ABL1: variants seen among roughly 807,000 people sequenced by gnomAD.
ABL1 encodes tyrosine-protein kinase ABL1.
A neutral mutation model predicts 94.7 loss-of-function variants in ABL1; 11 were observed. The ratio of observed to expected loss-of-function variants is 0.12; its 90% CI spans 0.07 to 0.19. The LOEUF (loss-of-function observed/expected upper bound fraction) is 0.19, where lower values mean the gene tolerates loss of function less well. Among genes scored for constraint, ABL1 ranks in the 10% least tolerant of loss-of-function variants. The pLI is 1.00. For synonymous variants in ABL1, 656 were observed against 622.4 expected, an observed-to-expected ratio of 1.05 and a Z score of -0.80; for missense variants, 1,082 against 1,489.4, an observed-to-expected ratio of 0.73 and a Z score of 4.50.
intron 1 of ABL1, among the ~76,000 whole-genome samples, chr9:130,768,158 A>G (rs1330303865): frequency 2.0e-5 from 3 of 151,962 alleles, no homozygotes; most frequent in African/African-American, 2.4e-5. Flanking sequence ...ATACACTCCT[A>G]TGTGTACAAC....
chr9:130,882,136 T>G (rs1293931496), intron 10 of ABL1, among the ~76,000 whole-genome samples: 1 of 152,162 alleles, frequency 6.6e-6, no homozygotes, highest in African/African-American at 2.4e-5. Flanking sequence ...TGATTTCAGG[T>G]GGCTGAGCAG....
rs528342434 is a variant in ABL1, at chr9:130,727,019, A to G, written c.136+12564A>G. Among the ~76,000 whole-genome samples the G allele has an allele frequency of 1.5e-3, 226 of 152,362 alleles. 1 individual carries two copies. The highest frequency in any genetic ancestry group is 3.4e-3 in the Middle Eastern group (1 of 294). On this transcript the variant is annotated intron_variant, in intron 1 of 10. Coordinates refer to the ABL1 transcript ENST00000372348. Reference sequence around the variant, plus strand: ...TTTAATTTCATTGTGGTCAGAGAACATCTTCTGTAGAATTTCAGTCTTCTG... The same window carrying G: ...TTTAATTTCATTGTGGTCAGAGAACGTCTTCTGTAGAATTTCAGTCTTCTG...
intron 1 of ABL1, among the ~76,000 whole-genome samples, chr9:130,716,221 A>T (rs535510898): frequency 6.6e-6 from 1 of 151,604 alleles, no homozygotes; most frequent in South Asian, 2.1e-4. Context: ...CAGCCTCCCA[A>T]GTAGGTGGGA....
At chr9:130,833,703 G>C (rs1830521527), upstream of ABL1, among the ~76,000 whole-genome samples, 1 of 152,230 alleles carries the variant, frequency 6.6e-6, no homozygotes, top group Non-Finnish European at 1.5e-5. Flanking sequence ...GACACATGTG[G>C]AAAGTTAATG....
intron 1 of ABL1, among the ~76,000 whole-genome samples, chr9:130,827,484 C>T (rs1830440632): frequency 6.6e-6 from 1 of 152,172 alleles, no homozygotes; most frequent in Non-Finnish European, 1.5e-5. Flanking sequence ...CCAAATCTCT[C>T]TAGGCATTAG....
At position 130,882,239 on chromosome 9, in the gene ABL1, G is replaced by T. The variant is rs142220892; in HGVS notation, c.1678+1575G>T. On this transcript the variant is annotated intron_variant, in intron 10 of 10. Coordinates refer to ENST00000318560, the MANE Select transcript of ABL1 (RefSeq NM_005157.6). ...TACGCCCGTCAGTTTCATCTGAGGG[G>T]TATTTTGATAGTGATCTCTTGGTGA... Among the ~76,000 whole-genome samples, 5 of 152,246 alleles carry T rather than the reference G, an allele frequency of 3.3e-5. No individual in the cohort carries two copies. The South Asian group carries it at 6.2e-4, about 19-fold the overall frequency.
chr9:130,868,218 A>C (rs998854265), intron 4 of ABL1, among the ~76,000 whole-genome samples: 9 of 152,104 alleles, frequency 5.9e-5, no homozygotes, highest in Non-Finnish European at 1.2e-4. Flanking sequence ...TCGGCCTCCC[A>C]AAGTGCTGGG....
intron 1 of ABL1, among the ~76,000 whole-genome samples, chr9:130,807,942 C>T (rs1301632925): frequency 2.0e-5 from 3 of 151,078 alleles, no homozygotes; most frequent in Non-Finnish European, 4.4e-5. Context: ...AGGTGATCCC[C>T]CCCACCTCAG....
In ABL1 at chr9:130,886,294, G is replaced by A. The variant is rs977012051; in HGVS notation, c.*611G>A. Reference sequence around the variant, plus strand: ...TGCACTCGCCATTTCCTCACGTGCAGGACAGCTCTTGATTTGGGTGGAAAA... The same window carrying A: ...TGCACTCGCCATTTCCTCACGTGCAAGACAGCTCTTGATTTGGGTGGAAAA... On this transcript the variant is annotated 3_prime_UTR_variant, in exon 11 of 11. Coordinates refer to ENST00000318560, the MANE Select transcript of ABL1 (RefSeq NM_005157.6). 3 of 234,876 alleles carry A rather than the reference G, an allele frequency of 1.3e-5. No individual in the cohort carries two copies. The highest frequency in any genetic ancestry group is 4.4e-5 in the African/African-American group (2 of 45,366). The allele number at this position is 234,876 out of a possible 1,614,324, so 14.5% of individuals were successfully genotyped here.
At chr9:130,784,032 G>GT (rs1285512527) in intron 1 of ABL1, among the ~76,000 whole-genome samples, 3 of 152,120 alleles carry the variant, frequency 2.0e-5, no homozygotes, top group African/African-American at 7.2e-5. Context: ...TTGATAAACA[G>GT]TAAGTCCCAT....
At chr9:130,756,361 A>G (rs1157992317) in intron 1 of ABL1, among the ~76,000 whole-genome samples, 1 of 149,948 alleles carries the variant, frequency 6.7e-6, no homozygotes, top group African/African-American at 2.5e-5. Context: ...AAAGGTTGCC[A>G]TTTCATTTGT....
intron 1 of ABL1, among the ~76,000 whole-genome samples, chr9:130,751,634 G>T (rs201285553): frequency 0.018 from 2,178 of 123,474 alleles, 57 homozygotes; most frequent in African/African-American, 0.061. Flanking sequence ...TGTAGAATCT[G>T]CCACAATCAA....
Position 130,835,354 on chromosome 9 carries a change from C to T in ABL1, c.-93C>T. ...AGGGCGGCTGGCGGGGCCGGGGGCG[C>T]CGGGGGGGCGCGCGGGCCGAGCCGG... On this transcript the variant is annotated 5_prime_UTR_variant, in exon 1 of 11. Transcript: ENST00000318560. The surrounding 1 kb of genome is among the most constrained non-coding windows in gnomAD (Gnocchi z 4.6). 1.8e-6 allele frequency: 1 copy of T among 544,626 alleles called. No homozygotes were observed. The highest frequency in any genetic ancestry group is 2.0e-6 in the Non-Finnish European group (1 of 492,286). 33.7% of individuals were successfully genotyped at this position (544,626 alleles called of 1,614,324 possible).
intron 3 of ABL1, among the ~76,000 whole-genome samples, chr9:130,859,433 G>A (rs781690759): frequency 2.6e-5 from 4 of 151,994 alleles, no homozygotes; most frequent in Non-Finnish European, 4.4e-5. Context: ...GTGAAAAGCC[G>A]AGCACATGGC....
intron 1 of ABL1, among the ~76,000 whole-genome samples, chr9:130,798,593 G>T (rs1313832838): frequency 2.0e-5 from 3 of 152,092 alleles, no homozygotes; most frequent in African/African-American, 7.2e-5. Flanking sequence ...CTGTACCTTA[G>T]TATGTCCTGC....
chr9:130,754,021 A>G (rs1489276031), intron 1 of ABL1, among the ~76,000 whole-genome samples: 2 of 149,958 alleles, frequency 1.3e-5, no homozygotes, highest in African/African-American at 2.5e-5. Context: ...TCTGGCCAAC[A>G]TGGTGAAACC....
Position 130,777,515 on chromosome 9 carries a change from A to G in ABL1, c.136+63060A>G, listed in dbSNP as rs1414484115. Among the ~76,000 whole-genome samples the G allele has an allele frequency of 2.0e-5, 3 of 146,564 alleles. No homozygotes were observed. The East Asian group carries it at 6.1e-4, about 30-fold the overall frequency. On this transcript the variant is annotated intron_variant, in intron 1 of 10. Transcript: ENST00000372348. ...AGACTATGAGCAGGGGAATCGAGGA[A>G]CCTCTCAGGGCTTTGTGTTGGGACG... is the stretch of plus-strand genomic sequence containing the variant.
Position 130,884,391 on chromosome 9 carries a change from G to T in ABL1, c.2101G>T (p.Gly701Cys), listed in dbSNP as rs775106685. 8 of 1,611,892 alleles carry T rather than the reference G, an allele frequency of 5.0e-6. No homozygotes were observed. The highest frequency in any genetic ancestry group is 6.8e-6 in the Non-Finnish European group (8 of 1,179,864). The change falls in exon 11 of 11, where the codon GGC becomes TGC. Residue 701 changes from glycine to cysteine, a missense_variant. Transcript: ENST00000318560. The surrounding 1 kb of genome is among the most constrained non-coding windows in gnomAD (Gnocchi z 5.6). The stretch of plus-strand genomic sequence containing the variant: ...GCTGACCAGCAGCCGCCTAGCCACC[G>T]GCGAGGAGGAGGGCGGTGGCAGCTC... ...STLTSSRLAT[G>C]EEEGGGSSSK...
At chr9:130,768,072 T>C (rs987907390) in intron 1 of ABL1, among the ~76,000 whole-genome samples, 16 of 152,202 alleles carry the variant, frequency 1.1e-4, no homozygotes, top group Non-Finnish European at 2.4e-4. Context: ...ATGGTAGCTA[T>C]CTGCTGGAGC....
Sources: allele counts gnomAD v4.1 joint callset (sites outside exome capture counted in the v4.1 genomes callset), GRCh38; gene constraint gnomAD v4.1.1; non-coding constraint Gnocchi (gnomAD v3.1); transcripts MANE v1.5; gene names NCBI Gene and HGNC (gene_info 2026-07-23, HGNC 2026-07-21).